Variants in URI1 observed in about 807,000 individuals in gnomAD.
URI1 encodes unconventional prefoldin RPB5 interactor 1.
A neutral mutation model predicts 60.2 loss-of-function variants in URI1; 39 were observed. That is an observed-to-expected ratio of 0.65 (90% CI 0.50 to 0.85). URI1 has a LOEUF of 0.85. URI1 is among the 40% of genes least tolerant of loss of function. The probability of loss-of-function intolerance (pLI) is 0.00; values close to 1 mark genes in which losing one functional copy is unlikely to be tolerated. For missense variants in URI1, 691 were observed against 665.9 expected (o/e 1.04, Z -0.42); for synonymous variants, 251 against 236.8 (o/e 1.06, Z -0.55).
At chr19:29,924,986 C>A (rs1269607557) in intron 1 of URI1, among the ~76,000 whole-genome samples, 1 of 152,240 alleles carries the variant, frequency 6.6e-6, no homozygotes, top group Non-Finnish European at 1.5e-5. Flanking sequence ...CAGGCATGCA[C>A]CACCACGCCC....
intron 1 of URI1, among the ~76,000 whole-genome samples, chr19:29,966,774 C>A (rs2055396204): frequency 6.6e-6 from 1 of 152,178 alleles, no homozygotes; most frequent in Non-Finnish European, 1.5e-5. Context: ...ATAGTAAGAT[C>A]TGTCTTGAAG....
chr19:29,950,734 A>C (rs550916934), intron 1 of URI1, among the ~76,000 whole-genome samples: 1 of 152,172 alleles, frequency 6.6e-6, no homozygotes, highest in Non-Finnish European at 1.5e-5. Flanking sequence ...ACATTTTCTC[A>C]GTTTTTCTAA....
At chr19:29,979,591 T>C (rs1240891309) in intron 2 of URI1, among the ~76,000 whole-genome samples, 1 of 152,156 alleles carries the variant, frequency 6.6e-6, no homozygotes, top group African/African-American at 2.4e-5. Context: ...ATTGAAGAAA[T>C]CTAGTAGAAT....
intron 1 of URI1, among the ~76,000 whole-genome samples, chr19:29,929,456 G>A (rs1454046508): frequency 6.6e-6 from 1 of 150,886 alleles, no homozygotes. Flanking sequence ...AATTAGCGGG[G>A]TGTGGTGGCA....
intron 2 of URI1, among the ~76,000 whole-genome samples, chr19:29,978,843 T>C (rs1172001346): frequency 6.6e-6 from 1 of 152,150 alleles, no homozygotes; most frequent in Non-Finnish European, 1.5e-5. Flanking sequence ...AATTTTGAGG[T>C]TTTTAAATAT....
intron 1 of URI1, among the ~76,000 whole-genome samples, chr19:29,927,681 A>G (rs1421143201): frequency 6.9e-6 from 1 of 145,696 alleles, no homozygotes; most frequent in African/African-American, 2.6e-5. Flanking sequence ...GGTTCAACCA[A>G]TTCTCATGCC....
intron 2 of URI1, among the ~76,000 whole-genome samples, chr19:29,974,937 A>T (rs1466948182): frequency 2.0e-5 from 3 of 152,220 alleles, no homozygotes; most frequent in African/African-American, 7.2e-5. Flanking sequence ...GGTGTGTAGT[A>T]GTCCATAGTA....
intron 1 of URI1, among the ~76,000 whole-genome samples, chr19:29,961,676 T>TTTTTTTTTTTTTTG (rs2055326656): frequency 1.7e-3 from 3 of 1,770 alleles, no homozygotes; most frequent in African/African-American, 2.5e-3. Flanking sequence ...TTTTTTTTTG[T>TTTTTTTTTTTTTTG]TTTTTTTTTT....
At chr19:30,010,158 A>G (rs1022008656) in intron 8 of URI1, among the ~76,000 whole-genome samples, 2 of 152,164 alleles carry the variant, frequency 1.3e-5, no homozygotes, top group African/African-American at 4.8e-5. Context: ...ACAAAACAGG[A>G]ACTCTTTCGC....
upstream of URI1, chr19:29,942,108 C>A: frequency 5.4e-6 from 3 of 552,088 alleles, no homozygotes; most frequent in Non-Finnish European, 2.3e-6. Context: ...CGCAGCCCAG[C>A]GCGGACACCG....
chr19:30,016,457 A>T lies in URI1; in HGVS notation c.*1388A>T, dbSNP rs1432672142. 3 of 152,138 alleles carry T rather than the reference A, an allele frequency of 2.0e-5. No individual in the cohort carries two copies. The East Asian group carries it at 5.8e-4, about 29-fold the overall frequency. The allele number at this position is 152,138 out of a possible 1,614,324, so 9.4% of individuals were successfully genotyped here. A position where few individuals can be genotyped will look rare whatever the true frequency, so the allele number is the denominator to read the frequency against. On this transcript the variant is annotated 3_prime_UTR_variant, in exon 11 of 11. Coordinates refer to ENST00000392271, the MANE Select transcript of URI1 (RefSeq NM_003796.3). ...CAAAACCAAAGCAGAAATTACACAC[A>T]CAAAGATGCTCCCGTTAGGAATTGC...
chr19:29,964,472 T>G (rs2055366710), intron 1 of URI1, among the ~76,000 whole-genome samples: 1 of 150,086 alleles, frequency 6.7e-6, no homozygotes, highest in African/African-American at 2.4e-5. Context: ...TTGTTTTTTT[T>G]TTTTTTTTTG....
rs1325704849 is a variant in URI1, at chr19:30,009,107, C to G, written c.789C>G (p.Asp263Glu). 1 of 1,613,982 alleles carries G rather than the reference C, an allele frequency of 6.2e-7. No individual in the cohort carries two copies. Among genetic ancestry groups the G allele is most frequent in the Admixed American group, 1.7e-5 (1 of 60,008 alleles). Residue 263 changes from aspartate (D) to glutamate (E), a missense_variant, in exon 8 of 11, where the codon GAC becomes GAG. Asp to Glu is a conservative substitution (Grantham distance 45). Transcript: ENST00000392271. ...TNVNAMHQVTDSHTPCHKDVA... is the reference protein window; with the variant it reads ...TNVNAMHQVTESHTPCHKDVA... ...TGAATGCGATGCATCAAGTAACAGA[C>G]TCTCATACTCCTTGTCATAAGGATG...
Position 30,015,652 on chromosome 19 carries a change from G to A in URI1, c.*583G>A, listed in dbSNP as rs1214178608. On this transcript the variant is annotated 3_prime_UTR_variant, in exon 11 of 11. Coordinates refer to ENST00000392271, the MANE Select transcript of URI1 (RefSeq NM_003796.3). ...CTCTATGGGAAAATTTCTTTGGAAAGATATTTTGTAAAACTTTTTTTTCCA... is the reference window on the plus strand; with the variant it reads ...CTCTATGGGAAAATTTCTTTGGAAAAATATTTTGTAAAACTTTTTTTTCCA... 1 of 1,430,230 alleles carries A rather than the reference G, an allele frequency of 7.0e-7. No individual in the cohort carries two copies. The highest frequency in any genetic ancestry group is 9.3e-7 in the Non-Finnish European group (1 of 1,076,166). 88.6% of individuals were successfully genotyped at this position (1,430,230 alleles called of 1,614,324 possible).
At chr19:30,001,965 G>T (rs527845205) in intron 4 of URI1, among the ~76,000 whole-genome samples, 18 of 151,990 alleles carry the variant, frequency 1.2e-4, no homozygotes, top group Non-Finnish European at 2.5e-4. Flanking sequence ...AGTACATCCT[G>T]TCCAGAGGTT....
chr19:29,936,537 A>C (rs1163333349), intron 1 of URI1, among the ~76,000 whole-genome samples: 2 of 152,166 alleles, frequency 1.3e-5, no homozygotes, highest in Non-Finnish European at 1.5e-5. Flanking sequence ...TGTGAGTTTC[A>C]GTATGAATCT....
intron 1 of URI1, among the ~76,000 whole-genome samples, chr19:29,965,801 A>G (rs1483621201): frequency 6.6e-6 from 1 of 152,234 alleles, no homozygotes; most frequent in Non-Finnish European, 1.5e-5. Context: ...AGAAAAAAAG[A>G]GCCCAGTTTG....
At chr19:29,989,354 C>G (rs2055714385) in intron 4 of URI1, among the ~76,000 whole-genome samples, 1 of 148,582 alleles carries the variant, frequency 6.7e-6, no homozygotes, top group South Asian at 2.1e-4. Context: ...CTCAGGTGAT[C>G]CACCCGCCTC....
At chr19:29,997,991 C>T (rs1388359307) in intron 4 of URI1, among the ~76,000 whole-genome samples, 1 of 152,132 alleles carries the variant, frequency 6.6e-6, no homozygotes, top group Non-Finnish European at 1.5e-5. Flanking sequence ...TCTTGAATTC[C>T]TGGCCTCAAG....
Sources: allele counts gnomAD v4.1 joint callset (sites outside exome capture counted in the v4.1 genomes callset), GRCh38; gene constraint gnomAD v4.1.1; transcripts MANE v1.5; gene names NCBI Gene and HGNC (gene_info 2026-07-23, HGNC 2026-07-21).